TLN2: variants seen among roughly 807,000 people sequenced by gnomAD.
The protein encoded by TLN2 is talin 2.
In TLN2, 118 loss-of-function variants were observed where a neutral mutation model predicts 294.7. The ratio of observed to expected loss-of-function variants is 0.40; its 90% confidence interval spans 0.34 to 0.47. The LOEUF (loss-of-function observed/expected upper bound fraction) is 0.47, where lower values mean the gene tolerates loss of function less well. Among genes scored for constraint, TLN2 ranks in the 20% least tolerant of loss-of-function variants. The pLI, the probability that TLN2 is intolerant of heterozygous loss-of-function variation, is 0.84. For synonymous variants in TLN2, 1,431 were observed against 1,304.5 expected (o/e 1.10, Z -2.09); for missense variants, 3,083 against 3,282.2 (o/e 0.94, Z 1.48).
chr15:62,840,417 G>A (rs2070514571), intron 58 of TLN2, 65 bp from the exon 59 acceptor site: 7 of 1,594,446 alleles, frequency 4.4e-6, no homozygotes, highest in Non-Finnish European at 5.1e-6. Context: ...CACATGAGCA[G>A]TGGGGTGGGT....
At chr15:62,706,358 G>A (rs1052628220) in intron 19 of TLN2, among the ~76,000 whole-genome samples, 18 of 152,274 alleles carry the variant, frequency 1.2e-4, no homozygotes, top group African/African-American at 4.1e-4. Flanking sequence ...TAGTCATTGA[G>A]TTGAAGCATA....
rs145327690 is a variant in TLN2, at chr15:62,801,158, C to T, written c.6477+389C>T. 1.1e-4 allele frequency among the ~76,000 whole-genome samples: 16 copies of T among 152,250 alleles called. No individual in the cohort carries two copies. The South Asian group carries it at 1.5e-3, about 14-fold the overall frequency. ...CTTGATGCACATTGCTCTTGGTACC[C>T]GCACACATGCAAAATTGGAAGTCTG... On this transcript the variant is annotated intron_variant, in intron 50 of 58. Transcript: ENST00000636159.
chr15:62,475,521 T>C (rs1466571144), intron 1 of TLN2, among the ~76,000 whole-genome samples: 1 of 152,198 alleles, frequency 6.6e-6, no homozygotes, highest in Non-Finnish European at 1.5e-5. Context: ...GCATGATTTT[T>C]TGTGGTCTCC....
intron 1 of TLN2, among the ~76,000 whole-genome samples, chr15:62,544,503 CTG>C (rs757569825): frequency 3.9e-5 from 6 of 152,308 alleles, no homozygotes; most frequent in Non-Finnish European, 7.3e-5. Flanking sequence ...AAAACCAACA[CTG>C]TGTGTACAAG....
intron 1 of TLN2, among the ~76,000 whole-genome samples, chr15:62,468,576 T>C (rs1434579617): frequency 6.6e-6 from 1 of 152,052 alleles, no homozygotes; most frequent in Non-Finnish European, 1.5e-5. Context: ...AAACCCTGTC[T>C]GTACTAAAAA....
chr15:62,794,124 C>T (rs563172426), intron 46 of TLN2, among the ~76,000 whole-genome samples: 5 of 152,094 alleles, frequency 3.3e-5, no homozygotes, highest in Non-Finnish European at 5.9e-5. Flanking sequence ...GAGAGGGGTC[C>T]GAGCTACATA....
intron 3 of TLN2, among the ~76,000 whole-genome samples, chr15:62,627,840 T>C (rs528038730): frequency 1.9e-4 from 7 of 37,596 alleles, no homozygotes; most frequent in Admixed American, 1.5e-3. Context: ...TTAGGCAATT[T>C]TGGGCTCGTT....
chr15:62,812,011 CAATAAATAAATAAATAAATA>C (rs59386081), intron 52 of TLN2, among the ~76,000 whole-genome samples: 1 of 130,676 alleles, frequency 7.7e-6, no homozygotes, highest in East Asian at 2.2e-4. Context: ...GACTCCATCT[CAATAAATAAATAAATAAATA>C]AATAAATAAA....
At chr15:62,673,790 G>C (rs576983694) in intron 9 of TLN2, 37 bp from the exon 10 acceptor site, 9 of 1,554,020 alleles carry the variant, frequency 5.8e-6, no homozygotes, top group Non-Finnish European at 7.1e-6. Context: ...CATGGAACAT[G>C]ATAAATGCCT....
chr15:62,439,997 T>C (rs1945674859), intron 1 of TLN2, among the ~76,000 whole-genome samples: 1 of 152,172 alleles, frequency 6.6e-6, no homozygotes, highest in Non-Finnish European at 1.5e-5. Context: ...CCCAGGGCAG[T>C]GACTGGATTT....
chr15:62,399,885 C>T (rs1039900668), intron 1 of TLN2, among the ~76,000 whole-genome samples: 1 of 152,120 alleles, frequency 6.6e-6, no homozygotes, highest in Non-Finnish European at 1.5e-5. Context: ...TGGGTTCATC[C>T]TGCAATGAAC....
chr15:62,612,142 T>C (rs1189527106), intron 2 of TLN2, among the ~76,000 whole-genome samples: 2 of 152,174 alleles, frequency 1.3e-5, no homozygotes, highest in Non-Finnish European at 2.9e-5. Context: ...TTGCAGCCAG[T>C]ATTAAATATA....
chr15:62,781,050 C>G (rs2064121436), intron 43 of TLN2, 90 bp from the exon 44 acceptor site: 1 of 957,266 alleles, frequency 1.0e-6, no homozygotes, highest in Non-Finnish European at 1.6e-6. Context: ...GAGGCCCTCT[C>G]TGTTTTTCAA....
intron 54 of TLN2, among the ~76,000 whole-genome samples, chr15:62,825,811 TATTATAA>T (rs2068068396): frequency 1.0e-4 from 1 of 9,558 alleles, no homozygotes; most frequent in East Asian, 4.6e-3. Flanking sequence ...TTATATATTA[TATTATAA>T]TATATATTAT....
At chr15:62,614,552 C>T (rs1158146361) in intron 2 of TLN2, among the ~76,000 whole-genome samples, 1 of 152,166 alleles carries the variant, frequency 6.6e-6, no homozygotes, top group African/African-American at 2.4e-5. Flanking sequence ...CGCCACCTCT[C>T]TGCTCGAAAG....
At chr15:62,723,067 CTGTT>C (rs1446133431) in intron 26 of TLN2, among the ~76,000 whole-genome samples, 1 of 152,192 alleles carries the variant, frequency 6.6e-6, no homozygotes, top group Non-Finnish European at 1.5e-5. Flanking sequence ...ATTTACTACT[CTGTT>C]TGATGTGGTA....
rs377475692 is a variant in TLN2 at position 62,595,119 on chromosome 15, A to G, written c.-162+5357A>G. ...GTACCTCACACTTGTTAGGATGGCT[A>G]TCATCAAAACAATGAAAGATGGGCT... On this transcript the variant is annotated intron_variant, in intron 2 of 58. Coordinates refer to ENST00000636159, the MANE Select transcript of TLN2 (RefSeq NM_015059.3). Among the ~76,000 whole-genome samples, 12 of 152,216 alleles carry G rather than the reference A, an allele frequency of 7.9e-5. No homozygotes were observed. The East Asian group carries it at 9.6e-4, about 12-fold the overall frequency.
At chr15:62,619,131 G>GCC (rs1482747940) in intron 3 of TLN2, among the ~76,000 whole-genome samples, 1 of 151,754 alleles carries the variant, frequency 6.6e-6, no homozygotes, top group East Asian at 1.9e-4. Context: ...AGGTTTGTTT[G>GCC]TTTTTTCTCA....
chr15:62,470,538 C>T lies in TLN2; in HGVS notation c.-238+79853C>T, dbSNP rs183392379. Among the ~76,000 whole-genome samples, 33 of 152,338 alleles carry T rather than the reference C, an allele frequency of 2.2e-4. No individual in the cohort carries two copies. In the East Asian group the frequency reaches 3.3e-3, roughly 15 times the overall value. ...GGCCCTTCACAGGCCTCAGAGAGCA[C>T]GGGCAGGAAGAGGCCACAGGCTCCA... On this transcript the variant is annotated intron_variant, in intron 1 of 58. Coordinates refer to ENST00000636159, the MANE Select transcript of TLN2 (RefSeq NM_015059.3).
Sources: gnomAD v4.1 joint callset for allele counts (sites outside exome capture counted in the v4.1 genomes callset) on GRCh38, gnomAD v4.1.1 for gene constraint, MANE v1.5 for transcripts, NCBI Gene and HGNC (gene_info 2026-07-23, HGNC 2026-07-21) for gene names.